SCAI: variants seen among roughly 807,000 people sequenced by gnomAD.
The protein encoded by SCAI is protein SCAI.
SCAI carries 24 observed loss-of-function variants against 92.2 expected under a neutral mutation model. The ratio of observed to expected loss-of-function variants is 0.26; its 90% CI spans 0.19 to 0.37. SCAI has a LOEUF of 0.37. Among genes scored for constraint, SCAI ranks in the 10% least tolerant of loss-of-function variants. The pLI is 1.00. For missense variants in SCAI, 450 were observed against 736.2 expected (o/e 0.61, Z 4.50); for synonymous variants, 261 against 258.6 (o/e 1.01, Z -0.09).
At chr9:125,111,463 G>A (rs532098458) in intron 2 of SCAI, among the ~76,000 whole-genome samples, 73 of 152,232 alleles carry the variant, frequency 4.8e-4, no homozygotes, top group African/African-American at 1.7e-3. Flanking sequence ...TCCAACCCAT[G>A]GCCCATGAAC....
At chr9:125,119,566 C>T (rs6478696) in intron 2 of SCAI, among the ~76,000 whole-genome samples, 62,396 of 152,026 alleles carry the variant, frequency 0.41, 13,149 homozygotes, top group East Asian at 0.53. Context: ...GGTAGAAATA[C>T]ATCTTGTTCT....
chr9:125,106,741 T>A (rs1310103232), intron 2 of SCAI, among the ~76,000 whole-genome samples: 3 of 149,976 alleles, frequency 2.0e-5, no homozygotes, highest in Non-Finnish European at 4.4e-5. Flanking sequence ...TTTTTTTTTT[T>A]TTTGAGACAG....
chr9:124,981,507 G>A (rs140019765), intron 14 of SCAI, among the ~76,000 whole-genome samples: 3 of 152,168 alleles, frequency 2.0e-5, no homozygotes, highest in African/African-American at 7.2e-5. Flanking sequence ...TAAGTACAAC[G>A]TTGGCTATTT....
chr9:124,957,060 T>C (rs1013015993), intron 17 of SCAI, among the ~76,000 whole-genome samples: 1 of 151,462 alleles, frequency 6.6e-6, no homozygotes, highest in African/African-American at 2.4e-5. Context: ...GGCATGATCA[T>C]GACTCAGGGT....
chr9:125,006,549 T>C (rs1588147033), intron 9 of SCAI, among the ~76,000 whole-genome samples: 1 of 152,210 alleles, frequency 6.6e-6, no homozygotes, highest in Non-Finnish European at 1.5e-5. Flanking sequence ...TGGAGTGCAG[T>C]GGCGCGATCT....
At chr9:125,000,648 T>A (rs1190419585) in intron 12 of SCAI, among the ~76,000 whole-genome samples, 2 of 149,242 alleles carry the variant, frequency 1.3e-5, no homozygotes. Flanking sequence ...TTTTTTTTTT[T>A]AAAGAATGAA....
At chr9:125,112,663 G>A (rs1019925333) in intron 2 of SCAI, among the ~76,000 whole-genome samples, 1 of 152,168 alleles carries the variant, frequency 6.6e-6, no homozygotes, top group Non-Finnish European at 1.5e-5. Context: ...TTGTGCCCCA[G>A]TAGCAACAAA....
At chr9:124,979,799 C>T (rs1831841739) in intron 14 of SCAI, among the ~76,000 whole-genome samples, 1 of 152,154 alleles carries the variant, frequency 6.6e-6, no homozygotes. Flanking sequence ...CCTGTAATCC[C>T]AGCACTCTGG....
At chr9:125,098,944 GTTC>G (rs1834620931) in intron 2 of SCAI, among the ~76,000 whole-genome samples, 1 of 151,546 alleles carries the variant, frequency 6.6e-6, no homozygotes, top group Non-Finnish European at 1.5e-5. Flanking sequence ...CCTGTTTCCA[GTTC>G]TTCTCAATTG....
In SCAI at chr9:124,952,840, G is replaced by A. The variant is rs770924685; in HGVS notation, c.1788C>T (p.Asn596=). ...CATCAATGGTATTCTCAAAGAACAC[G>A]TTTCGAACATCCAGAATGGATGCTA... ...LELASILDVR[N]VFFENTIDDY is the part of the protein sequence containing the mutation. Residue 596 remains asparagine, a synonymous_variant, in exon 18 of 18, where the codon AAC becomes AAT. Coordinates refer to ENST00000336505, the MANE Select transcript of SCAI (RefSeq NM_001144877.3). 8.7e-6 allele frequency: 14 copies of A among 1,613,436 alleles called. No homozygotes were observed. Among genetic ancestry groups the A allele is most frequent in the South Asian group, 3.3e-5 (3 of 91,052 alleles).
At chr9:125,040,159 A>C (rs1320103933) in intron 3 of SCAI, among the ~76,000 whole-genome samples, 1 of 152,032 alleles carries the variant, frequency 6.6e-6, no homozygotes, top group Non-Finnish European at 1.5e-5. Flanking sequence ...GTTCGAGACC[A>C]ACCTGGGCAA....
At chr9:125,063,966 C>T (rs1833828622) in intron 2 of SCAI, among the ~76,000 whole-genome samples, 1 of 152,130 alleles carries the variant, frequency 6.6e-6, no homozygotes, top group Non-Finnish European at 1.5e-5. Flanking sequence ...ATTGGCCAGG[C>T]TGATCTTGAA....
At chr9:125,015,491 T>C (rs1474743964) in intron 9 of SCAI, among the ~76,000 whole-genome samples, 1 of 152,168 alleles carries the variant, frequency 6.6e-6, no homozygotes, top group Admixed American at 6.5e-5. Flanking sequence ...AGATACCATC[T>C]CACACCAGTT....
rs372258639 is a variant in SCAI, at chr9:125,001,996, G to A, written c.1113C>T (p.Gly371=). 5.2e-5 allele frequency: 84 copies of A among 1,613,612 alleles called. No individual in the cohort carries two copies. The highest frequency in any genetic ancestry group is 6.4e-5 in the Non-Finnish European group (75 of 1,179,576). ...SVLLIYLSAT[G]VFPTGRSDSE... ...TATCAGAACGACCTGTGGGGAAAAC[G>A]CCAGTGGCCGACAGGTAAATCAGAA... Residue 371 remains glycine (G), a synonymous_variant, in exon 12 of 18, where the codon GGC becomes GGT. Transcript: ENST00000336505.
At chr9:124,964,902 C>T (rs1394506865) in intron 17 of SCAI, among the ~76,000 whole-genome samples, 1 of 152,116 alleles carries the variant, frequency 6.6e-6, no homozygotes, top group Non-Finnish European at 1.5e-5. Flanking sequence ...TGATCATAAA[C>T]CCAAGTGCAT....
intron 2 of SCAI, among the ~76,000 whole-genome samples, chr9:125,129,726 A>G (rs1835359169): frequency 6.6e-6 from 1 of 151,460 alleles, no homozygotes; most frequent in African/African-American, 2.4e-5. Flanking sequence ...AGCCTCCCAA[A>G]GTGCTGGGAT....
chr9:124,960,450 A>G (rs1297314864), intron 17 of SCAI, among the ~76,000 whole-genome samples: 1 of 152,202 alleles, frequency 6.6e-6, no homozygotes, highest in Non-Finnish European at 1.5e-5. Flanking sequence ...AGAATGCCTG[A>G]ACTGTGGTAT....
At chr9:125,130,179 A>C (rs1835368945) in intron 2 of SCAI, among the ~76,000 whole-genome samples, 1 of 151,962 alleles carries the variant, frequency 6.6e-6, no homozygotes, top group African/African-American at 2.4e-5. Flanking sequence ...GATTACAGGC[A>C]TGAGCCACCA....
At chr9:124,966,125 C>T (rs776340620) in intron 17 of SCAI, among the ~76,000 whole-genome samples, 7 of 152,100 alleles carry the variant, frequency 4.6e-5, no homozygotes, top group Non-Finnish European at 8.8e-5. Context: ...CATGTGCACA[C>T]GTGCAGGTTT....
Sources: allele counts gnomAD v4.1 joint callset (sites outside exome capture counted in the v4.1 genomes callset), GRCh38; gene constraint gnomAD v4.1.1; transcripts MANE v1.5; gene names NCBI Gene and HGNC (gene_info 2026-07-23, HGNC 2026-07-21).